BTBD9: variants seen among roughly 807,000 people sequenced by gnomAD.
BTBD9 encodes the protein BTB domain containing 9.
BTBD9 carries 49 observed loss-of-function variants against 64.3 expected under a neutral mutation model. The ratio of observed to expected loss-of-function variants is 0.76; its 90% confidence interval spans 0.61 to 0.97. BTBD9 has a LOEUF of 0.97. Ranked by LOEUF, BTBD9 falls within the 50% of genes least tolerant of loss-of-function variation. The pLI is 0.00. For synonymous variants in BTBD9, 260 were observed against 274.7 expected (o/e 0.95, Z 0.53); for missense variants, 598 against 762.1 (o/e 0.78, Z 2.53).
At chr6:38,549,736 T>C (rs1284486499) in intron 6 of BTBD9, among the ~76,000 whole-genome samples, 1 of 152,182 alleles carries the variant, frequency 6.6e-6, no homozygotes, top group East Asian at 1.9e-4. Flanking sequence ...TTTCTCAAAA[T>C]AGTTGTCTAT....
intron 9 of BTBD9, among the ~76,000 whole-genome samples, chr6:38,226,284 A>ACATATGTATAAGCAACTG (rs1763389846): frequency 2.0e-5 from 3 of 152,308 alleles, no homozygotes; most frequent in Admixed American, 2.0e-4. Context: ...AAGCATGGCA[A>ACATATGTATAAGCAACTG]CATATGTATA....
rs1246377654 is a variant in BTBD9 at position 38,171,186 on chromosome 6, T to A, written c.*3799A>T. 1 of 152,222 alleles carries A rather than the reference T, an allele frequency of 6.6e-6. No homozygotes were observed. Among genetic ancestry groups the A allele is most frequent in the Admixed American group, 6.5e-5 (1 of 15,286 alleles). 9.4% of individuals were successfully genotyped at this position (152,222 alleles called of 1,614,324 possible). On this transcript the variant is annotated 3_prime_UTR_variant, in exon 11 of 11. Coordinates refer to ENST00000481247, the MANE Select transcript of BTBD9 (RefSeq NM_001099272.2). ...GAAAGGATAAGTGATTACAATTTTG[T>A]TATCTTCTAAATTAAAAAGAAGGTG...
chr6:38,391,601 G>A (rs1018005664), intron 6 of BTBD9, among the ~76,000 whole-genome samples: 14 of 150,030 alleles, frequency 9.3e-5, no homozygotes, highest in Admixed American at 6.0e-4. Context: ...ACACCAGAGT[G>A]GTTGTTTCTG....
intron 9 of BTBD9, among the ~76,000 whole-genome samples, chr6:38,219,203 T>C (rs913203711): frequency 6.9e-6 from 1 of 145,916 alleles, no homozygotes. Flanking sequence ...AGCACAAGCT[T>C]GGCTCACTGC....
rs1767931389 is a variant in BTBD9, at chr6:38,422,174, C to T, written c.1155-77081G>A. 2.0e-5 allele frequency among the ~76,000 whole-genome samples: 3 copies of T among 152,110 alleles called. No homozygotes were observed. In the South Asian group the frequency reaches 6.2e-4, roughly 32 times the overall value. Reference sequence around the variant, plus strand: ...TTCTAGTCTAATTATTTCATTTCTCCTTTATGGTACAGCTAGAACATAATA... The same window carrying T: ...TTCTAGTCTAATTATTTCATTTCTCTTTTATGGTACAGCTAGAACATAATA... On this transcript the variant is annotated intron_variant, in intron 6 of 10. Coordinates refer to ENST00000481247, the MANE Select transcript of BTBD9 (RefSeq NM_001099272.2).
intron 7 of BTBD9, among the ~76,000 whole-genome samples, chr6:38,344,021 G>A (rs552095573): frequency 1.3e-5 from 2 of 152,308 alleles, no homozygotes; most frequent in East Asian, 1.9e-4. Context: ...GAGGAGACAT[G>A]AGTCCCTTTG....
intron 6 of BTBD9, among the ~76,000 whole-genome samples, chr6:38,527,263 C>CAAAAAAAAAAAAAA (rs55979438): frequency 9.4e-5 from 5 of 53,338 alleles, no homozygotes; most frequent in African/African-American, 1.8e-4. Context: ...GACTCTGTCT[C>CAAAAAAAAAAAAAA]AAAAAAAAAA....
chr6:38,576,710 T>C (rs1352277848), intron 6 of BTBD9, among the ~76,000 whole-genome samples: 1 of 152,142 alleles, frequency 6.6e-6, no homozygotes, highest in African/African-American at 2.4e-5. Flanking sequence ...CCTTCCCTTT[T>C]CTTCCTGAGC....
At chr6:38,324,937 G>A (rs1047641628) in intron 7 of BTBD9, among the ~76,000 whole-genome samples, 5 of 152,078 alleles carry the variant, frequency 3.3e-5, no homozygotes, top group African/African-American at 9.7e-5. Context: ...AATGAAACAC[G>A]AGAAAAATAA....
intron 6 of BTBD9, among the ~76,000 whole-genome samples, chr6:38,426,215 C>T (rs772816966): frequency 4.0e-5 from 6 of 151,850 alleles, no homozygotes; most frequent in African/African-American, 1.2e-4. Context: ...CTGGGAAGGC[C>T]GCATCCACCT....
At chr6:38,387,090 G>A (rs1225310150) in intron 6 of BTBD9, among the ~76,000 whole-genome samples, 1 of 152,154 alleles carries the variant, frequency 6.6e-6, no homozygotes, top group African/African-American at 2.4e-5. Flanking sequence ...GGTAGAACAA[G>A]GAAGCACTTA....
chr6:38,302,236 A>G (rs1224173389), intron 7 of BTBD9, among the ~76,000 whole-genome samples: 1 of 151,816 alleles, frequency 6.6e-6, no homozygotes, highest in Admixed American at 6.6e-5. Flanking sequence ...CCTCCTCTCT[A>G]ACTGTAACTC....
intron 6 of BTBD9, among the ~76,000 whole-genome samples, chr6:38,438,884 G>A (rs567909917): frequency 2.0e-5 from 3 of 152,172 alleles, no homozygotes; most frequent in South Asian, 2.1e-4. Context: ...GAATAGAAGT[G>A]GAGGCCTGAA....
At chr6:38,304,531 G>T (rs1363836728) in intron 7 of BTBD9, among the ~76,000 whole-genome samples, 1 of 150,006 alleles carries the variant, frequency 6.7e-6, no homozygotes, top group Non-Finnish European at 1.5e-5. Flanking sequence ...GGGCAACAAA[G>T]CAAGGCTCCG....
chr6:38,290,976 T>C (rs1761935037), intron 7 of BTBD9, among the ~76,000 whole-genome samples: 2 of 152,210 alleles, frequency 1.3e-5, no homozygotes, highest in Non-Finnish European at 2.9e-5. Context: ...ATATCTATTC[T>C]CTTGCTGAAG....
intron 7 of BTBD9, among the ~76,000 whole-genome samples, chr6:38,312,445 G>A (rs1762872755): frequency 6.6e-6 from 1 of 152,180 alleles, no homozygotes; most frequent in Non-Finnish European, 1.5e-5. Flanking sequence ...TTGGTTGCCT[G>A]TGCTTGTGGG....
At chr6:38,308,986 G>T (rs768789561) in intron 7 of BTBD9, among the ~76,000 whole-genome samples, 5 of 151,908 alleles carry the variant, frequency 3.3e-5, no homozygotes, top group Admixed American at 6.6e-5. Context: ...ACAGGTTTGT[G>T]ACTCAAGTCA....
chr6:38,473,642 G>C (rs74512607), intron 6 of BTBD9, among the ~76,000 whole-genome samples: 295 of 152,088 alleles, frequency 1.9e-3, no homozygotes, highest in Non-Finnish European at 3.6e-3. Context: ...TCATTCTTTC[G>C]CCCCTACCAT....
intron 6 of BTBD9, among the ~76,000 whole-genome samples, chr6:38,562,191 A>G (rs1775291802): frequency 6.6e-6 from 1 of 152,226 alleles, no homozygotes; most frequent in South Asian, 2.1e-4. Flanking sequence ...AGTCATCACA[A>G]TACGAAAATA....
Sources: gnomAD v4.1 joint callset for allele counts (sites outside exome capture counted in the v4.1 genomes callset) on GRCh38, gnomAD v4.1.1 for gene constraint, MANE v1.5 for transcripts, NCBI Gene and HGNC (gene_info 2026-07-23, HGNC 2026-07-21) for gene names.